Variants in ITCH observed in about 807,000 individuals in gnomAD.
ITCH encodes the protein itchy E3 ubiquitin protein ligase.
A neutral mutation model predicts 126.8 loss-of-function variants in ITCH; 28 were observed. That is an observed-to-expected ratio of 0.22 (90% CI 0.16 to 0.30). The LOEUF (loss-of-function observed/expected upper bound fraction) is 0.30. Ranked by LOEUF, ITCH falls within the 10% of genes least tolerant of loss-of-function variation. The pLI, the probability that ITCH is intolerant of heterozygous loss-of-function variation, is 1.00. For missense variants in ITCH, 631 were observed against 1,032.4 expected, an observed-to-expected ratio of 0.61 and a Z score of 5.33; for synonymous variants, 342 against 340.0, an observed-to-expected ratio of 1.01 and a Z score of -0.06.
intron 3 of ITCH, among the ~76,000 whole-genome samples, chr20:34,403,833 G>A (rs2038964263): frequency 6.6e-6 from 1 of 152,130 alleles, no homozygotes; most frequent in Non-Finnish European, 1.5e-5. Context: ...TCAGTAGAGG[G>A]AGCAGCATGT....
intron 14 of ITCH, chr20:34,466,542 C>A: frequency 2.6e-5 from 11 of 430,560 alleles, no homozygotes; most frequent in Non-Finnish European, 4.0e-5. Context: ...AATAAATTAC[C>A]GATAATATTA....
At chr20:34,395,480 A>G (rs761688191) in intron 3 of ITCH, among the ~76,000 whole-genome samples, 6 of 152,166 alleles carry the variant, frequency 3.9e-5, no homozygotes, top group Non-Finnish European at 5.9e-5. Flanking sequence ...TCAAAGCACC[A>G]TATTTTGGGA....
At chr20:34,429,672 G>A (rs555911490) in intron 7 of ITCH, among the ~76,000 whole-genome samples, 3 of 152,224 alleles carry the variant, frequency 2.0e-5, no homozygotes, top group East Asian at 1.9e-4. Flanking sequence ...CCCAAAGTCC[G>A]AGCGTGCAGA....
At chr20:34,489,454 C>T (rs1989365186) in intron 21 of ITCH, 68 bp downstream of exon 21, 1 of 1,424,430 alleles carries the variant, frequency 7.0e-7, no homozygotes, top group Admixed American at 1.7e-5. Context: ...CTGCTTTTAA[C>T]TCACTTTCCC....
chr20:34,426,432 TG>T (rs1244625522), intron 7 of ITCH, among the ~76,000 whole-genome samples: 4 of 151,984 alleles, frequency 2.6e-5, no homozygotes, highest in Non-Finnish European at 2.9e-5. Flanking sequence ...ATCTATGGGT[TG>T]TTTTTTTTTT....
intron 6 of ITCH, 152 bp downstream of exon 6, chr20:34,414,031 A>T: frequency 1.5e-6 from 1 of 655,138 alleles, no homozygotes; most frequent in Non-Finnish European, 2.6e-6. Context: ...TAATCCCAGC[A>T]CTTTGGGAGG....
chr20:34,452,830 G>GCCT (rs1985425088), intron 12 of ITCH, among the ~76,000 whole-genome samples: 1 of 152,170 alleles, frequency 6.6e-6, no homozygotes, highest in Non-Finnish European at 1.5e-5. Context: ...GTGCCACGAT[G>GCCT]CCTAGCTAGG....
rs758542337 is a variant in ITCH, at chr20:34,480,750, T to C, written c.1952+18T>C. The C allele has an allele frequency of 2.6e-6, 4 of 1,563,736 alleles. No homozygotes were observed. Among genetic ancestry groups the C allele is most frequent in the Non-Finnish European group, 2.6e-6 (3 of 1,137,106 alleles). On this transcript the variant is annotated intron_variant, in intron 19 of 24. Coordinates refer to ENST00000374864, the MANE Select transcript of ITCH (RefSeq NM_031483.7). ...TGGGTTAAGTAAGTTTCTTTTTCCATGTAATTTATTAAAATATAGTTATAT... is the reference window on the plus strand; with the variant it reads ...TGGGTTAAGTAAGTTTCTTTTTCCACGTAATTTATTAAAATATAGTTATAT...
chr20:34,414,457 CTT>C lies in ITCH; in HGVS notation c.475+603_475+604del, dbSNP rs770240058. ...CTGAGTTTAAATATGACTTTAAATC[CTT>C]TTTTTTTTTTTTTTTTTTTTTTTTA... On this transcript the variant is annotated intron_variant, in intron 6 of 24. Coordinates refer to ENST00000374864, the MANE Select transcript of ITCH (RefSeq NM_031483.7). 5.8e-3 allele frequency among the ~76,000 whole-genome samples: 414 copies of C among 70,814 alleles called. 3 individuals are homozygous for C. The highest frequency in any genetic ancestry group is 0.017 in the African/African-American group (292 of 17,434). 46.5% of individuals were successfully genotyped at this position (70,814 alleles called of 152,430 possible).
intron 7 of ITCH, among the ~76,000 whole-genome samples, chr20:34,436,105 T>C (rs546002185): frequency 3.3e-5 from 5 of 152,286 alleles, no homozygotes; most frequent in Non-Finnish European, 7.4e-5. Flanking sequence ...CAGCAACAAA[T>C]CATAGCATTT....
chr20:34,404,552 T>A (rs1488571459), intron 3 of ITCH, among the ~76,000 whole-genome samples: 1 of 151,800 alleles, frequency 6.6e-6, no homozygotes, highest in African/African-American at 2.4e-5. Context: ...CCTGAGTAGC[T>A]GGGATTACAG....
rs888585169 is a variant in ITCH, at chr20:34,510,124, T to C, written c.*2330T>C. Reference sequence around the variant, plus strand: ...GTTTAGTTCTGGAAAAGGTAAATGCTTGTATATATTTTTGCAGCCTGGGAT... The same window carrying C: ...GTTTAGTTCTGGAAAAGGTAAATGCCTGTATATATTTTTGCAGCCTGGGAT... On this transcript the variant is annotated 3_prime_UTR_variant, in exon 25 of 25. Coordinates refer to ENST00000374864, the MANE Select transcript of ITCH (RefSeq NM_031483.7). The C allele has an allele frequency of 6.6e-6, 1 of 152,646 alleles. No individual in the cohort carries two copies. The highest frequency in any genetic ancestry group is 6.5e-5 in the Admixed American group (1 of 15,282). The allele number at this position is 152,646 out of a possible 1,614,324, so 9.5% of individuals were successfully genotyped here.
intron 20 of ITCH, among the ~76,000 whole-genome samples, chr20:34,486,534 C>T (rs988040136): frequency 2.6e-5 from 4 of 151,756 alleles, no homozygotes; most frequent in Admixed American, 6.6e-5. Context: ...CCATGTTGGC[C>T]GGGCTTGTCT....
chr20:34,363,702 C>G (rs1022225057), intron 1 of ITCH, among the ~76,000 whole-genome samples: 1 of 152,026 alleles, frequency 6.6e-6, no homozygotes, highest in African/African-American at 2.4e-5. Flanking sequence ...CACTCTCCAG[C>G]GGTTCGGCCT....
chr20:34,491,109 G>A (rs1490131787), intron 22 of ITCH, among the ~76,000 whole-genome samples: 3 of 152,108 alleles, frequency 2.0e-5, no homozygotes. Context: ...ATAAGTCTAG[G>A]TGCTCCTCAA....
intron 3 of ITCH, among the ~76,000 whole-genome samples, chr20:34,407,166 G>C (rs1320150836): frequency 6.6e-6 from 1 of 152,080 alleles, no homozygotes; most frequent in Non-Finnish European, 1.5e-5. Context: ...AACATAGGAA[G>C]CTCTTCCTTA....
chr20:34,419,833 G>A (rs1478102011), intron 6 of ITCH, among the ~76,000 whole-genome samples: 7 of 152,124 alleles, frequency 4.6e-5, no homozygotes, highest in Non-Finnish European at 7.4e-5. Flanking sequence ...TGTGTCCGTA[G>A]GCCATTCACT....
At chr20:34,421,432 A>G (rs935743106) in intron 6 of ITCH, among the ~76,000 whole-genome samples, 2 of 152,212 alleles carry the variant, frequency 1.3e-5, no homozygotes, top group African/African-American at 2.4e-5. Flanking sequence ...TAGATCTTCC[A>G]AAGTTTCTTG....
chr20:34,466,485 A>T (rs767713341), intron 14 of ITCH: 1 of 479,916 alleles, frequency 2.1e-6, no homozygotes, highest in East Asian at 5.7e-5. Context: ...CTGGAAAATC[A>T]GGCCAATTTG....
Sources: allele counts gnomAD v4.1 joint callset (sites outside exome capture counted in the v4.1 genomes callset), GRCh38; gene constraint gnomAD v4.1.1; transcripts MANE v1.5; gene names NCBI Gene and HGNC (gene_info 2026-07-23, HGNC 2026-07-21).